The following SCD5 variants were observed in gnomAD, a reference collection of about 807,000 sequenced individuals.
SCD5 encodes the protein stearoyl-CoA desaturase 5, also known as acyl-CoA-desaturase 4.
SCD5 carries 20 observed loss-of-function variants against 30.4 expected under a neutral mutation model. That is an observed-to-expected ratio of 0.66 (90% CI 0.46 to 0.96). The LOEUF is 0.96. SCD5 is among the 40% of genes least tolerant of loss of function. The pLI, the probability that SCD5 is intolerant of heterozygous loss-of-function variation, is 0.00. For missense variants in SCD5, 381 were observed against 443.3 expected (o/e 0.86, Z 1.26); for synonymous variants, 173 against 176.4 (o/e 0.98, Z 0.16).
At chr4:82,662,475 T>C (rs1728034096) in intron 3 of SCD5, among the ~76,000 whole-genome samples, 1 of 152,076 alleles carries the variant, frequency 6.6e-6, no homozygotes, top group Non-Finnish European at 1.5e-5. Context: ...GACTTGGCAA[T>C]TCTGATTTTA....
At chr4:82,727,694 C>T (rs532088824) in intron 1 of SCD5, among the ~76,000 whole-genome samples, 20 of 152,206 alleles carry the variant, frequency 1.3e-4, no homozygotes, top group Admixed American at 1.2e-3. Context: ...CCTTTCTGGC[C>T]TTGAGACTTT....
chr4:82,680,565 T>C, intron 3 of SCD5, 142 bp downstream of exon 3: 1 of 719,588 alleles, frequency 1.4e-6, no homozygotes, highest in South Asian at 2.0e-5. Flanking sequence ...AATTAATAAA[T>C]AGAGATAAAT....
intron 2 of SCD5, among the ~76,000 whole-genome samples, chr4:82,689,203 G>A (rs551830503): frequency 9.2e-5 from 14 of 152,282 alleles, no homozygotes; most frequent in East Asian, 1.9e-4. Flanking sequence ...AAAAGTACAC[G>A]GGGAGCTCAG....
In SCD5 at chr4:82,631,351, G is replaced by C. The variant is rs770075427; in HGVS notation, c.969C>G (p.Ala323=). The C allele has an allele frequency of 1.2e-6, 2 of 1,614,020 alleles. No individual in the cohort carries two copies. The highest frequency in any genetic ancestry group is 1.7e-5 in the Admixed American group (1 of 60,004). ...TTCAAGCACTGCTGTCTCCAGTCCT[G>C]GCCTTCCGGGCCTCGATCATCGGCT... ...ATKPMIEARK[A]RTGDSSA Residue 323 remains alanine, a synonymous_variant, in exon 5 of 5, where the codon GCC becomes GCG. Coordinates refer to ENST00000319540, the MANE Select transcript of SCD5 (RefSeq NM_001037582.3).
intron 3 of SCD5, among the ~76,000 whole-genome samples, chr4:82,669,033 C>G (rs1207527299): frequency 1.3e-5 from 2 of 152,084 alleles, no homozygotes; most frequent in African/African-American, 2.4e-5. Flanking sequence ...GGCAAATGGA[C>G]TGAGAACAAA....
At chr4:82,789,672 C>G (rs1286862456) in intron 1 of SCD5, among the ~76,000 whole-genome samples, 1 of 152,168 alleles carries the variant, frequency 6.6e-6, no homozygotes, top group African/African-American at 2.4e-5. Context: ...ACAGAGCCCT[C>G]CAACCTTTCT....
chr4:82,637,838 T>C (rs751380518), intron 3 of SCD5, among the ~76,000 whole-genome samples: 1 of 152,188 alleles, frequency 6.6e-6, no homozygotes, highest in Non-Finnish European at 1.5e-5. Flanking sequence ...TGAACATGCC[T>C]CTTTTTTTTT....
intron 3 of SCD5, among the ~76,000 whole-genome samples, chr4:82,640,029 A>G (rs1044254609): frequency 6.6e-6 from 1 of 152,184 alleles, no homozygotes; most frequent in Non-Finnish European, 1.5e-5. Flanking sequence ...TGAAGGCCCC[A>G]GGCACAGGGA....
Position 82,798,348 on chromosome 4 carries a change from G to C in SCD5, c.190C>G (p.Leu64Val). 2 of 1,613,114 alleles carry C rather than the reference G, an allele frequency of 1.2e-6. No homozygotes were observed. Among genetic ancestry groups the C allele is most frequent in the Non-Finnish European group, 1.7e-6 (2 of 1,179,518 alleles). ...SLLHLGAVYS[L>V]VLIPKAKPLT... ...GGCTTGGCTTTGGGGATGAGCACCA[G>C]GGAGTACACGGCCCCCAAGTGGAGC... Residue 64 changes from leucine to valine, a missense_variant, in exon 1 of 5, where the codon CTG becomes GTG. Transcript: ENST00000319540.
At chr4:82,702,948 C>A (rs574484266) in intron 2 of SCD5, among the ~76,000 whole-genome samples, 1 of 152,256 alleles carries the variant, frequency 6.6e-6, no homozygotes, top group South Asian at 2.1e-4. Context: ...TGGAAACTGG[C>A]CCTAATCTGA....
chr4:82,679,294 AAG>A (rs1216074096), intron 3 of SCD5, among the ~76,000 whole-genome samples: 13 of 149,090 alleles, frequency 8.7e-5, no homozygotes, highest in Admixed American at 6.7e-4. Flanking sequence ...GAAGGAAAGA[AAG>A]AAAGAAAACA....
At chr4:82,795,085 A>G (rs976412318) in intron 1 of SCD5, among the ~76,000 whole-genome samples, 3 of 152,210 alleles carry the variant, frequency 2.0e-5, no homozygotes, top group African/African-American at 7.2e-5. Flanking sequence ...CCCCAAGGAG[A>G]ACTAACAACT....
At chr4:82,784,298 C>T (rs1721941288) in intron 1 of SCD5, among the ~76,000 whole-genome samples, 2 of 152,142 alleles carry the variant, frequency 1.3e-5, no homozygotes, top group Admixed American at 6.5e-5. Context: ...GTTTGAGTGA[C>T]GCTGACCCCA....
chr4:82,695,218 G>C (rs968914058), intron 2 of SCD5, among the ~76,000 whole-genome samples: 1 of 151,952 alleles, frequency 6.6e-6, no homozygotes, highest in African/African-American at 2.4e-5. Context: ...CAGTGAGGTT[G>C]GATTTCATTC....
At chr4:82,697,349 A>C (rs1299390373) in intron 2 of SCD5, among the ~76,000 whole-genome samples, 1 of 152,196 alleles carries the variant, frequency 6.6e-6, no homozygotes, top group Non-Finnish European at 1.5e-5. Flanking sequence ...GGTTTACAAA[A>C]ATCTAATCGC....
intron 4 of SCD5, among the ~76,000 whole-genome samples, chr4:82,633,675 C>A (rs1727366824): frequency 6.6e-6 from 1 of 152,204 alleles, no homozygotes; most frequent in Non-Finnish European, 1.5e-5. Flanking sequence ...AATAGTCATT[C>A]AAATAAGTGT....
intron 1 of SCD5, among the ~76,000 whole-genome samples, chr4:82,731,847 A>G (rs115957546): frequency 0.042 from 6,342 of 152,278 alleles, 195 homozygotes; most frequent in Non-Finnish European, 0.061. Context: ...CAGAGGTAGT[A>G]AAGTGACTGG....
chr4:82,751,945 A>G (rs17006282), intron 1 of SCD5, among the ~76,000 whole-genome samples: 7,588 of 152,254 alleles, frequency 0.05, 233 homozygotes, highest in South Asian at 0.13. Context: ...AGATTGGAAA[A>G]TATCTTTGTT....
chr4:82,648,647 C>G (rs1560523596), intron 3 of SCD5, among the ~76,000 whole-genome samples: 1 of 152,170 alleles, frequency 6.6e-6, no homozygotes, highest in Non-Finnish European at 1.5e-5. Context: ...TTAAATTTTG[C>G]TGGCCCATCC....
Sources: gnomAD v4.1 joint callset for allele counts (sites outside exome capture counted in the v4.1 genomes callset) on GRCh38, gnomAD v4.1.1 for gene constraint, MANE v1.5 for transcripts, NCBI Gene and HGNC (gene_info 2026-07-23, HGNC 2026-07-21) for gene names.